MTMR10: variants seen among roughly 807,000 people sequenced by gnomAD.
The protein encoded by MTMR10 is myotubularin-related protein 10.
MTMR10 carries 56 observed loss-of-function variants against 88.1 expected under a neutral mutation model. The ratio of observed to expected loss-of-function variants is 0.64; its 90% confidence interval spans 0.51 to 0.79. The LOEUF is 0.79. Ranked by LOEUF, MTMR10 falls within the 30% of genes least tolerant of loss-of-function variation. MTMR10 has a pLI of 0.00. For synonymous variants in MTMR10, 380 were observed against 340.9 expected (o/e 1.11, Z -1.26); for missense variants, 883 against 924.7 (o/e 0.95, Z 0.58).
Position 30,961,042 on chromosome 15 carries a change from A to T in MTMR10, c.597T>A (p.Asp199Glu). The T allele has an allele frequency of 1.3e-6, 2 of 1,554,902 alleles. No individual in the cohort carries two copies. The highest frequency in any genetic ancestry group is 8.7e-7 in the Non-Finnish European group (1 of 1,148,740). Reference protein sequence around the residue: ...ANKINGIPSGDGGGGGGGGNG... With the variant: ...ANKINGIPSGEGGGGGGGGNG... The stretch of plus-strand genomic sequence containing the variant: ...TACCTCCTCCTCCTCCTCCTCCTCC[A>T]TCTCCTGAGGGAATTCCATTAATTT... Residue 199 changes from aspartate to glutamate, a missense_variant, in exon 7 of 16, where the codon GAT (aspartate) becomes GAA (glutamate). Transcript: ENST00000435680.
Position 30,958,848 on chromosome 15 carries a change from C to A in MTMR10, c.935+15G>T, listed in dbSNP as rs749956334. 1 of 1,612,118 alleles carries A rather than the reference C, an allele frequency of 6.2e-7. No individual in the cohort carries two copies. Among genetic ancestry groups the A allele is most frequent in the Middle Eastern group, 1.7e-4 (1 of 6,052 alleles). On this transcript the variant is annotated intron_variant, in intron 9 of 15. Coordinates refer to ENST00000435680, the MANE Select transcript of MTMR10 (RefSeq NM_017762.3). ...GTAAAACTATCTAAAGTGACAATGA[C>A]CATTTCTCAATTACCTCTGGTCAAT...
At chr15:30,925,460 G>A in the MTMR10 span, among the ~76,000 whole-genome samples, 3 of 152,216 alleles carry the variant, frequency 2.0e-5, no homozygotes, top group East Asian at 1.9e-4. Context: ...TCCCCCTAAC[G>A]CCCTCCTCCC....
intron 2 of MTMR10, among the ~76,000 whole-genome samples, chr15:30,990,184 G>C (rs903182521): frequency 6.6e-6 from 1 of 152,054 alleles, no homozygotes; most frequent in Non-Finnish European, 1.5e-5. Flanking sequence ...GTGGCAACTA[G>C]GTCGCAACTA....
intron 14 of MTMR10, chr15:30,943,360 C>G (rs544242038): frequency 3.5e-5 from 34 of 985,044 alleles, no homozygotes; most frequent in Non-Finnish European, 4.0e-5. Context: ...AGAAGTTTCA[C>G]TAACATGATA....
downstream of MTMR10, among the ~76,000 whole-genome samples, chr15:30,937,903 T>C (rs2062908082): frequency 1.3e-5 from 2 of 151,944 alleles, no homozygotes; most frequent in Admixed American, 1.3e-4. Context: ...AAGTAGTGGC[T>C]GGGCACAGTG....
chr15:30,974,409 G>C lies in MTMR10; in HGVS notation c.379C>G (p.Leu127Val). The C allele has an allele frequency of 6.2e-7, 1 of 1,605,488 alleles. No individual in the cohort carries two copies. Among genetic ancestry groups the C allele is most frequent in the Non-Finnish European group, 8.5e-7 (1 of 1,174,824 alleles). ...KQKVLGPNQKLKFNPTELIIY... is the reference protein window; with the variant it reads ...KQKVLGPNQKVKFNPTELIIY... ...ATTAACTCTGTTGGATTAAATTTCA[G>C]TTTCTGGTTGGGGCCTAGGACTTTC... The change falls in exon 5 of 16, where the codon CTG becomes GTG. Residue 127 changes from leucine to valine, a missense_variant. By Grantham distance (32) the Leu-to-Val change is conservative (BLOSUM62 1). Around this residue, in one of 3 missense-constraint regions of MTMR10, gnomAD observed 414 missense variants for 423.2 expected, o/e 0.98. Transcript: ENST00000435680.
intron 9 of MTMR10, among the ~76,000 whole-genome samples, chr15:30,956,931 G>T (rs897517515): frequency 9.9e-5 from 15 of 152,284 alleles, no homozygotes; most frequent in Admixed American, 7.8e-4. Context: ...TGGAGTTCAG[G>T]TAAATCAAAA....
Position 30,974,570 on chromosome 15 carries a change from T to G in MTMR10, c.332-114A>C, listed in dbSNP as rs7182086. The G allele has an allele frequency of 5.5e-3, 5,644 of 1,026,986 alleles. 222 individuals are homozygous for G. The African/African-American group carries it at 0.082, about 15-fold the overall frequency. The allele number at this position is 1,026,986 out of a possible 1,614,324, so 63.6% of individuals were successfully genotyped here. ...GGAAGGTCACCCAACATTTGAGCTC[T>G]GCTTGTCTAGAATGTTTCATACTTG... On this transcript the variant is annotated intron_variant, in intron 4 of 15. Transcript: ENST00000435680.
At position 30,941,384 on chromosome 15, in the gene MTMR10, A is replaced by G; in HGVS notation, c.*86T>C. 6.5e-7 allele frequency: 1 copy of G among 1,539,004 alleles called. No homozygotes were observed. Among genetic ancestry groups the G allele is most frequent in the Non-Finnish European group, 8.7e-7 (1 of 1,145,612 alleles). ...TATTATTCTTACATATAAAGTTATT[A>G]GAGATTCAAACGCCTAGGTTAGCAA... is the stretch of plus-strand genomic sequence containing the variant. On this transcript the variant is annotated 3_prime_UTR_variant, in exon 16 of 16. Transcript: ENST00000435680.
chr15:30,932,510 A>G, the MTMR10 span, among the ~76,000 whole-genome samples: 1 of 152,096 alleles, frequency 6.6e-6, no homozygotes, highest in Non-Finnish European at 1.5e-5. Context: ...TAAACATTTG[A>G]TAGAATTCCC....
intron 3 of MTMR10, among the ~76,000 whole-genome samples, chr15:30,975,858 G>C (rs570021126): frequency 6.6e-6 from 1 of 152,136 alleles, no homozygotes; most frequent in South Asian, 2.1e-4. Context: ...TATAAAGAAA[G>C]ATCTAGGGGT....
chr15:30,972,410 T>C (rs988809719), intron 5 of MTMR10, among the ~76,000 whole-genome samples: 11 of 152,130 alleles, frequency 7.2e-5, no homozygotes, highest in East Asian at 1.9e-4. Context: ...CCCGTGGCTA[T>C]ACAAAAGACA....
intron 11 of MTMR10, among the ~76,000 whole-genome samples, chr15:30,952,966 T>A (rs2063271219): frequency 6.6e-6 from 1 of 152,152 alleles, no homozygotes; most frequent in African/African-American, 2.4e-5. Flanking sequence ...ATTTTTGTAT[T>A]TTTAGCAGAG....
intron 6 of MTMR10, 64 bp downstream of exon 6, chr15:30,967,856 T>C (rs751634950): frequency 3.2e-5 from 43 of 1,353,466 alleles, no homozygotes; most frequent in Non-Finnish European, 4.3e-5. Flanking sequence ...AGGCTTCCGG[T>C]AAACATAAGA....
chr15:30,927,576 C>T, the MTMR10 span: 54 of 985,492 alleles, frequency 5.5e-5, no homozygotes, highest in Non-Finnish European at 6.5e-5. Context: ...TGATCCCACT[C>T]ACTGTGGTAC....
rs548224728 is a variant in MTMR10, at chr15:30,968,023, C to T, written c.475-13G>A. On this transcript the variant is annotated splice_polypyrimidine_tract_variant and intron_variant, in intron 5 of 15. Coordinates refer to ENST00000435680, the MANE Select transcript of MTMR10 (RefSeq NM_017762.3). The stretch of plus-strand genomic sequence containing the variant: ...TTGCAAGGCATACCTAGGAAAAATT[C>T]TACATTTAGAATTTGATTTTAACAC... The T allele has an allele frequency of 6.5e-7, 1 of 1,529,374 alleles. No homozygotes were observed. Among genetic ancestry groups the T allele is most frequent in the African/African-American group, 1.4e-5 (1 of 72,412 alleles). The allele number at this position is 1,529,374 out of a possible 1,614,324, so 94.7% of individuals were successfully genotyped here. A position where few individuals can be genotyped will look rare whatever the true frequency, so the allele number is the denominator to read the frequency against.
intron 2 of MTMR10, among the ~76,000 whole-genome samples, chr15:30,990,536 T>G (rs1276605949): frequency 1.3e-5 from 2 of 152,040 alleles, no homozygotes; most frequent in South Asian, 4.1e-4. Context: ...CAGCAAAGAG[T>G]ACTTTTACTA....
the MTMR10 span, chr15:30,920,562 C>T: frequency 4.3e-4 from 688 of 1,609,384 alleles, 1 homozygote; most frequent in Non-Finnish European, 5.5e-4. Flanking sequence ...GAAGATTTAC[C>T]ACTCTTCCTG....
intron 5 of MTMR10, among the ~76,000 whole-genome samples, chr15:30,973,469 G>T (rs866235225): frequency 6.6e-6 from 1 of 151,996 alleles, no homozygotes; most frequent in Non-Finnish European, 1.5e-5. Context: ...GCCTTGTTTT[G>T]GTATCAACAG....
Sources: gnomAD v4.1 joint callset for allele counts (sites outside exome capture counted in the v4.1 genomes callset) on GRCh38, gnomAD v4.1.1 for gene constraint, gnomAD v4.1.1 regional missense constraint, MANE v1.5 for transcripts, NCBI Gene and HGNC (gene_info 2026-07-23, HGNC 2026-07-21) for gene names.